The following ALPK3 variants were observed in gnomAD, a reference collection of about 807,000 sequenced individuals.
ALPK3 encodes the protein alpha-protein kinase 3.
In ALPK3, 102 loss-of-function variants were observed where a neutral mutation model predicts 140.0. The ratio of observed to expected loss-of-function variants is 0.73; its 90% CI spans 0.62 to 0.86. ALPK3 has a LOEUF of 0.86. Among genes scored for constraint, ALPK3 ranks in the 40% least tolerant of loss-of-function variants. The pLI is 0.00. For missense variants in ALPK3, 2,254 were observed against 2,208.2 expected (o/e 1.02, Z -0.42); for synonymous variants, 938 against 898.5 (o/e 1.04, Z -0.79).
At chr15:84,844,413 CAAAAG>C (rs1250969391) in intron 5 of ALPK3, among the ~76,000 whole-genome samples, 6 of 151,284 alleles carry the variant, frequency 4.0e-5, no homozygotes, top group South Asian at 4.2e-4. Context: ...TCTCAAAAAA[CAAAAG>C]AAAAGAAAGA....
chr15:84,833,537 G>A (rs1992134401), intron 3 of ALPK3, among the ~76,000 whole-genome samples: 1 of 152,192 alleles, frequency 6.6e-6, no homozygotes, highest in Non-Finnish European at 1.5e-5. Context: ...TCTCTGTGAG[G>A]CTGCTGTTCT....
chr15:84,850,368 CTTTTTA>C (rs897839258), intron 5 of ALPK3, among the ~76,000 whole-genome samples: 15 of 151,986 alleles, frequency 9.9e-5, no homozygotes, highest in Non-Finnish European at 2.2e-4. Context: ...GTGAATAAAA[CTTTTTA>C]TTTTTATTTT....
intron 3 of ALPK3, among the ~76,000 whole-genome samples, chr15:84,832,255 C>T (rs1188404421): frequency 6.6e-6 from 1 of 152,224 alleles, no homozygotes; most frequent in Admixed American, 6.5e-5. Flanking sequence ...TCAGTTTTCT[C>T]CACTGCTAGC....
chr15:84,828,314 CAG>C (rs1323189273), intron 3 of ALPK3, among the ~76,000 whole-genome samples: 2 of 152,148 alleles, frequency 1.3e-5, no homozygotes, highest in African/African-American at 4.8e-5. Flanking sequence ...GAATAGGAAG[CAG>C]AGTGATACTC....
At chr15:84,827,708 A>G (rs966622170) in intron 3 of ALPK3, 103 bp downstream of exon 3, 34 of 1,466,826 alleles carry the variant, frequency 2.3e-5, no homozygotes, top group Non-Finnish European at 4.6e-6. Context: ...TGTGTGCACA[A>G]AACTACGTGA....
intron 5 of ALPK3, among the ~76,000 whole-genome samples, chr15:84,849,603 A>G (rs1197002629): frequency 6.6e-6 from 1 of 152,236 alleles, no homozygotes; most frequent in Non-Finnish European, 1.5e-5. Flanking sequence ...AATCAATGAC[A>G]GAAAGATAAT....
intron 1 of ALPK3, among the ~76,000 whole-genome samples, chr15:84,822,132 T>C (rs1057494887): frequency 6.6e-6 from 1 of 151,926 alleles, no homozygotes; most frequent in Non-Finnish European, 1.5e-5. Flanking sequence ...GAGAGGGGGC[T>C]GAGGTGGTCA....
chr15:84,856,841 G>T lies in ALPK3; in HGVS notation c.2103G>T (p.Glu701Asp). 1 of 1,613,734 alleles carries T rather than the reference G, an allele frequency of 6.2e-7. No individual in the cohort carries two copies. The highest frequency in any genetic ancestry group is 2.2e-5 in the East Asian group (1 of 44,874). The change falls in exon 6 of 14, where the codon GAG (glutamate) becomes GAT (aspartate). Residue 701 changes from glutamate to aspartate, a missense_variant. Coordinates refer to ENST00000258888, the MANE Select transcript of ALPK3 (RefSeq NM_020778.5). ...AGGAAGACAGAAGGATGCAGGGAGA[G>T]AAGGGGATGCAGGGAGAGAAGGGGA... ...GTQEDRRMQG[E>D]KGMQGEKGTQ...
At position 84,839,909 on chromosome 15, in the gene ALPK3, C is replaced by A. The variant is rs755716847; in HGVS notation, c.630C>A (p.Val210=). 4 of 1,613,712 alleles carry A rather than the reference C, an allele frequency of 2.5e-6. No individual in the cohort carries two copies. Among genetic ancestry groups the A allele is most frequent in the South Asian group, 1.1e-5 (1 of 91,074 alleles). The change falls in exon 5 of 14, where the codon GTC becomes GTA. Residue 210 remains valine (V), a synonymous_variant. Coordinates refer to ENST00000258888, the MANE Select transcript of ALPK3 (RefSeq NM_020778.5). ...WKHEKAVPGE[V]DTLRKLSPDR... is the part of the protein sequence containing the mutation. Reference sequence around the variant, plus strand: ...ACGAGAAGGCGGTGCCTGGGGAGGTCGACACTCTGCGCAAGCTCAGCCCCG... The same window carrying A: ...ACGAGAAGGCGGTGCCTGGGGAGGTAGACACTCTGCGCAAGCTCAGCCCCG...
At chr15:84,858,902 G>A (rs755176673) in intron 6 of ALPK3, among the ~76,000 whole-genome samples, 5 of 152,210 alleles carry the variant, frequency 3.3e-5, no homozygotes, top group Admixed American at 6.5e-5. Context: ...TGATTACAGA[G>A]TGGTGGGGAC....
At chr15:84,842,982 A>C (rs887813896) in intron 5 of ALPK3, among the ~76,000 whole-genome samples, 9 of 152,196 alleles carry the variant, frequency 5.9e-5, no homozygotes, top group African/African-American at 2.2e-4. Flanking sequence ...GCTGGTGGCC[A>C]AGTGAGTGTG....
intron 2 of ALPK3, among the ~76,000 whole-genome samples, chr15:84,826,586 G>A (rs1963491782): frequency 1.3e-5 from 2 of 152,126 alleles, no homozygotes; most frequent in South Asian, 4.1e-4. Flanking sequence ...TTTGCTTCCT[G>A]GGCCCAGGAA....
In ALPK3 at chr15:84,868,631, T is replaced by C; in HGVS notation, c.*175T>C. ...TCAGCTCGTCATCAGATGGCTTTGG[T>C]GCATGGCACATAGCCCACTGGCCTC... On this transcript the variant is annotated 3_prime_UTR_variant, in exon 14 of 14. Transcript: ENST00000258888. 1 of 680,474 alleles carries C rather than the reference T, an allele frequency of 1.5e-6. No individual in the cohort carries two copies. Among genetic ancestry groups the C allele is most frequent in the East Asian group, 2.7e-5 (1 of 36,518 alleles). 42.2% of individuals were successfully genotyped at this position (680,474 alleles called of 1,614,324 possible).
At chr15:84,863,225 G>T (rs1323227367) in intron 10 of ALPK3, among the ~76,000 whole-genome samples, 1 of 152,130 alleles carries the variant, frequency 6.6e-6, no homozygotes, top group Non-Finnish European at 1.5e-5. Flanking sequence ...AGATAAAAGG[G>T]GGGTGCTGTG....
chr15:84,857,142 G>A lies in ALPK3; in HGVS notation c.2404G>A (p.Ala802Thr). The A allele has an allele frequency of 5.0e-6, 8 of 1,614,066 alleles. No individual in the cohort carries two copies. The highest frequency in any genetic ancestry group is 5.9e-6 in the Non-Finnish European group (7 of 1,179,954). Residue 802 changes from alanine (A) to threonine (T), a missense_variant, in exon 6 of 14, where the codon GCA (alanine) becomes ACA (threonine). Ala to Thr is a moderately conservative substitution (Grantham distance 58, BLOSUM62 0). This residue lies in a region of ALPK3 where 2,088 missense variants were observed against 2,022.9 expected (regional missense o/e 1.03). Coordinates refer to ENST00000258888, the MANE Select transcript of ALPK3 (RefSeq NM_020778.5). ...CCTGTCAGGGAACCTCATGCTCCCA[G>A]CACAGCCGCCCCATGAGGGGAGTGT... Reference protein sequence around the residue: ...GPLSGNLMLPAQPPHEGSVEQ... With the variant: ...GPLSGNLMLPTQPPHEGSVEQ...
At chr15:84,863,052 C>A in intron 10 of ALPK3, 137 bp downstream of exon 10, 1 of 1,239,754 alleles carries the variant, frequency 8.1e-7, no homozygotes, top group Non-Finnish European at 1.1e-6. Context: ...CTAGGAGGAC[C>A]TTGTGGAAAG....
intron 3 of ALPK3, among the ~76,000 whole-genome samples, chr15:84,829,329 G>A (rs766507993): frequency 6.6e-6 from 1 of 152,202 alleles, no homozygotes; most frequent in Non-Finnish European, 1.5e-5. Context: ...AGCAGTTGTG[G>A]AACTTTGGTT....
Position 84,833,536 on chromosome 15 carries a change from G to A in ALPK3, c.305-5444G>A, listed in dbSNP as rs148589354. ...CTGGCTGAGACTGGCCTCTCTGTGA[G>A]GCTGCTGTTCTGCTCTTGGCTTGTC... On this transcript the variant is annotated intron_variant, in intron 3 of 13. Transcript: ENST00000258888. 1.9e-3 allele frequency among the ~76,000 whole-genome samples: 284 copies of A among 152,290 alleles called. 2 individuals are homozygous for A. Among genetic ancestry groups the A allele is most frequent in the Admixed American group, 0.013 (201 of 15,306 alleles).
At chr15:84,830,881 ATGTG>A (rs35473110) in intron 3 of ALPK3, among the ~76,000 whole-genome samples, 3 of 151,008 alleles carry the variant, frequency 2.0e-5, no homozygotes, top group East Asian at 3.9e-4. Flanking sequence ...GTGTGTGTGT[ATGTG>A]TGTGTGTGTG....
Sources: allele counts gnomAD v4.1 joint callset (sites outside exome capture counted in the v4.1 genomes callset), GRCh38; gene constraint gnomAD v4.1.1; regional missense constraint gnomAD v4.1.1; transcripts MANE v1.5; gene names NCBI Gene and HGNC (gene_info 2026-07-23, HGNC 2026-07-21).